SMC4: variants seen among roughly 807,000 people sequenced by gnomAD.
SMC4 encodes the protein structural maintenance of chromosomes 4.
Under a neutral mutation model 145.6 loss-of-function variants are expected in SMC4, and 87 were observed. The observed-to-expected ratio is 0.60, with a 90% CI of 0.50 to 0.71. The LOEUF (loss-of-function observed/expected upper bound fraction) is 0.71, where lower values mean the gene tolerates loss of function less well. SMC4 is among the 30% of genes least tolerant of loss of function. SMC4 has a pLI of 0.00. For synonymous variants in SMC4, 558 were observed against 500.7 expected, an observed-to-expected ratio of 1.11 and a Z score of -1.53; for missense variants, 1,447 against 1,537.1, an observed-to-expected ratio of 0.94 and a Z score of 0.98.
At chr3:160,432,990 C>T (rs772444999) in intron 22 of SMC4, 36 bp from the exon 23 acceptor site, 17 of 1,444,002 alleles carry the variant, frequency 1.2e-5, no homozygotes, top group Non-Finnish European at 9.7e-7. Context: ...TTTAGCTTTA[C>T]AGGTAATTTG....
At chr3:160,418,050 T>G in intron 11 of SMC4, 94 bp downstream of exon 11, 1 of 972,600 alleles carries the variant, frequency 1.0e-6, no homozygotes, top group Non-Finnish European at 1.5e-6. Flanking sequence ...AGGTGACTAG[T>G]GATAAATTTT....
chr3:160,423,474 C>T lies in SMC4; in HGVS notation c.2069C>T (p.Thr690Ile). The change falls in exon 14 of 24, where the codon ACT becomes ATT. Residue 690 changes from threonine (T) to isoleucine (I), a missense_variant. Physicochemically the swap from Thr to Ile is moderately conservative, Grantham distance 89. Coordinates refer to ENST00000357388, the MANE Select transcript of SMC4 (RefSeq NM_001002800.3). ...ACCGAAATTCAAACTCCTGAAAATA[C>T]TCCTCGTTTATTTGATTTAGTAAAA... ...KMTEIQTPEN[T>I]PRLFDLVKVK... 1 of 1,600,156 alleles carries T rather than the reference C, an allele frequency of 6.2e-7. No homozygotes were observed. The highest frequency in any genetic ancestry group is 8.5e-7 in the Non-Finnish European group (1 of 1,171,428).
intron 13 of SMC4, among the ~76,000 whole-genome samples, chr3:160,421,488 G>A (rs940105887): frequency 1.3e-5 from 2 of 152,058 alleles, no homozygotes; most frequent in Non-Finnish European, 2.9e-5. Context: ...GCTCATGCCT[G>A]TAATCCCAGC....
chr3:160,428,690 A>G (rs1381725778), intron 17 of SMC4, 63 bp from the exon 18 acceptor site: 4 of 1,447,128 alleles, frequency 2.8e-6, no homozygotes, highest in South Asian at 1.3e-5. Flanking sequence ...AGAAATGTAC[A>G]TCTAACAAAT....
Position 160,434,003 on chromosome 3 carries a change from A to T in SMC4, c.*194A>T, listed in dbSNP as rs1363014584. On this transcript the variant is annotated 3_prime_UTR_variant, in exon 24 of 24. Coordinates refer to ENST00000357388, the MANE Select transcript of SMC4 (RefSeq NM_001002800.3). ...TGCTTCTAGATTACAAAAATATGAC[A>T]ATCTTGTAAGTAGCAGACTATGGAG... The T allele has an allele frequency of 9.2e-6, 4 of 433,410 alleles. No homozygotes were observed. The highest frequency in any genetic ancestry group is 8.4e-5 in the African/African-American group (4 of 47,892). The allele number at this position is 433,410 out of a possible 1,614,324, so 26.8% of individuals were successfully genotyped here.
chr3:160,426,518 A>T (rs1156919215), intron 17 of SMC4, among the ~76,000 whole-genome samples: 1 of 152,234 alleles, frequency 6.6e-6, no homozygotes, highest in Non-Finnish European at 1.5e-5. Flanking sequence ...TTATAGATTT[A>T]GAAAAATTAT....
chr3:160,410,905 G>A (rs1474873716), intron 5 of SMC4, among the ~76,000 whole-genome samples: 1 of 151,978 alleles, frequency 6.6e-6, no homozygotes, highest in Non-Finnish European at 1.5e-5. Context: ...GACTTTTTTC[G>A]TCTTTGCTAT....
At chr3:160,405,927 CTT>C (rs943513513) in intron 5 of SMC4, among the ~76,000 whole-genome samples, 1 of 151,946 alleles carries the variant, frequency 6.6e-6, no homozygotes, top group African/African-American at 2.4e-5. Flanking sequence ...TTTGCTTAAT[CTT>C]TTACCGTCAT....
chr3:160,412,376 G>T lies in SMC4; in HGVS notation c.903G>T (p.Glu301Asp). Residue 301 changes from glutamate (E) to aspartate (D), a missense_variant, in exon 7 of 24, where the codon GAG becomes GAT. By Grantham distance (45) the Glu-to-Asp change is conservative. Transcript: ENST00000357388. The part of the protein sequence containing the change: ...VEKEKDALEG[E>D]KNIAIEFLTL... ...AGGAAAAGGATGCCTTAGAAGGAGA[G>T]AAAAACATAGCTATCGAATTTCTTA... is the stretch of plus-strand genomic sequence containing the variant. 6.2e-7 allele frequency: 1 copy of T among 1,605,036 alleles called. No individual in the cohort carries two copies. The highest frequency in any genetic ancestry group is 8.5e-7 in the Non-Finnish European group (1 of 1,172,508).
intron 5 of SMC4, among the ~76,000 whole-genome samples, chr3:160,406,564 A>G (rs1715348398): frequency 6.6e-6 from 1 of 152,206 alleles, no homozygotes; most frequent in African/African-American, 2.4e-5. Context: ...GCATCGTAGT[A>G]TCAACATCCA....
At chr3:160,413,167 A>G (rs1204475937) in intron 7 of SMC4, among the ~76,000 whole-genome samples, 3 of 151,716 alleles carry the variant, frequency 2.0e-5, no homozygotes, top group African/African-American at 7.3e-5. Flanking sequence ...TTTTTTTGGT[A>G]GAGATGGGGT....
Position 160,431,118 on chromosome 3 carries a change from A to T in SMC4, c.3027A>T (p.Lys1009Asn). The T allele has an allele frequency of 6.2e-7, 1 of 1,608,074 alleles. No homozygotes were observed. The highest frequency in any genetic ancestry group is 8.5e-7 in the Non-Finnish European group (1 of 1,178,266). ...VIQENEHALQ[K>N]DALSIKLKLE... Reference sequence around the variant, plus strand: ...AAGAAAATGAACATGCTCTTCAAAAAGATGCACTTAGTATTAAGTTGAAAC... The same window carrying T: ...AAGAAAATGAACATGCTCTTCAAAATGATGCACTTAGTATTAAGTTGAAAC... The change falls in exon 20 of 24, where the codon AAA becomes AAT. Residue 1009 changes from lysine (K) to asparagine (N), a missense_variant. By Grantham distance (94) the Lys-to-Asn change is moderately conservative (BLOSUM62 0). Coordinates refer to ENST00000357388, the MANE Select transcript of SMC4 (RefSeq NM_001002800.3).
chr3:160,413,371 A>T (rs1169738622), intron 7 of SMC4, 102 bp from the exon 8 acceptor site: 2 of 1,152,440 alleles, frequency 1.7e-6, no homozygotes, highest in Non-Finnish European at 2.4e-6. Context: ...TTGACTAGTT[A>T]ATAATATTTT....
In SMC4 at chr3:160,431,088, T is replaced by C; in HGVS notation, c.2997T>C (p.Val999=). 1 of 1,608,146 alleles carries C rather than the reference T, an allele frequency of 6.2e-7. No homozygotes were observed. Among genetic ancestry groups the C allele is most frequent in the South Asian group, 1.1e-5 (1 of 89,322 alleles). The stretch of plus-strand genomic sequence containing the variant: ...GCAATCTGCTTCAAGAATTAAAAGT[T>C]ATTCAAGAAAATGAACATGCTCTTC... ...EHRNLLQELK[V]IQENEHALQK... Residue 999 remains valine, a synonymous_variant, in exon 20 of 24, where the codon GTT becomes GTC. Transcript: ENST00000357388.
At chr3:160,406,995 C>T (rs1248263242) in intron 5 of SMC4, among the ~76,000 whole-genome samples, 1 of 152,092 alleles carries the variant, frequency 6.6e-6, no homozygotes, top group Non-Finnish European at 1.5e-5. Flanking sequence ...GCCTCGGTCC[C>T]GTTGTAAGTC....
chr3:160,407,237 A>G (rs1037631061), intron 5 of SMC4, among the ~76,000 whole-genome samples: 1 of 152,214 alleles, frequency 6.6e-6, no homozygotes, highest in Non-Finnish European at 1.5e-5. Flanking sequence ...TTTTGTCTTC[A>G]TATTACAAAA....
chr3:160,414,435 A>G lies in SMC4; in HGVS notation c.1190A>G (p.Asp397Gly). 1 of 1,610,644 alleles carries G rather than the reference A, an allele frequency of 6.2e-7. No individual in the cohort carries two copies. Among genetic ancestry groups the G allele is most frequent in the Non-Finnish European group, 8.5e-7 (1 of 1,178,664 alleles). The change falls in exon 9 of 24, where the codon GAT (aspartate) becomes GGT (glycine). Residue 397 changes from aspartate (D) to glycine (G), a missense_variant. Physicochemically the swap from Asp to Gly is moderately conservative, Grantham distance 94 (BLOSUM62 -1). Transcript: ENST00000357388. Reference protein sequence around the residue: ...KEKFTQLDLEDVQVREKLKHA... With the variant: ...KEKFTQLDLEGVQVREKLKHA... ...AAATTTACACAGCTAGATTTGGAAG[A>G]TGTTCAAGTTAGAGAAAAGTTAAAA... is the stretch of plus-strand genomic sequence containing the variant.
chr3:160,423,403 T>G, intron 13 of SMC4, 22 bp from the exon 14 acceptor site: 1 of 1,415,812 alleles, frequency 7.1e-7, no homozygotes, highest in African/African-American at 1.4e-5. Context: ...TTGTTTTTGT[T>G]TGTTTGTTTG....
At chr3:160,404,880 T>G (rs963428940) in intron 5 of SMC4, 2 of 418,026 alleles carry the variant, frequency 4.8e-6, no homozygotes, top group East Asian at 1.3e-4. Context: ...AGGTAACATT[T>G]TAAATGAAAT....
Sources: gnomAD v4.1 joint callset for allele counts (sites outside exome capture counted in the v4.1 genomes callset) on GRCh38, gnomAD v4.1.1 for gene constraint, MANE v1.5 for transcripts, NCBI Gene and HGNC (gene_info 2026-07-23, HGNC 2026-07-21) for gene names.